The following SCN8A variants were observed in gnomAD, a reference collection of about 807,000 sequenced individuals.
The protein encoded by SCN8A is sodium voltage-gated channel alpha subunit 8, also known as sodium channel protein type 8 subunit alpha.
Under a neutral mutation model 184.1 loss-of-function variants are expected in SCN8A, and 30 were observed. The observed-to-expected ratio is 0.16, with a 90% confidence interval of 0.12 to 0.22. The LOEUF is 0.22. SCN8A is among the 10% of genes least tolerant of loss of function. The pLI is 1.00. For synonymous variants in SCN8A, 852 were observed against 907.0 expected, an observed-to-expected ratio of 0.94 and a Z score of 1.09; for missense variants, 1,057 against 2,498.9, an observed-to-expected ratio of 0.42 and a Z score of 12.30.
intron 20 of SCN8A, among the ~76,000 whole-genome samples, chr12:51,776,727 A>G (rs1275427319): frequency 2.0e-5 from 3 of 152,236 alleles, no homozygotes; most frequent in Admixed American, 1.3e-4. Context: ...TTTGGTGTCC[A>G]TTTGAGTAAA....
chr12:51,756,120 G>C (rs1942670079), intron 14 of SCN8A, among the ~76,000 whole-genome samples: 1 of 151,966 alleles, frequency 6.6e-6, no homozygotes, highest in South Asian at 2.1e-4. Flanking sequence ...CCCCACACCA[G>C]ACTCTCCCCT....
intron 14 of SCN8A, among the ~76,000 whole-genome samples, chr12:51,760,221 T>G (rs1485474510): frequency 6.6e-6 from 1 of 152,204 alleles, no homozygotes; most frequent in Non-Finnish European, 1.5e-5. Flanking sequence ...CATATCACAG[T>G]GCAAACAAGA....
chr12:51,807,325 T>G lies in SCN8A; in HGVS notation c.5839T>G (p.Tyr1947Asp). ...STPSTASLPSYDSVTKPEKEK... is the reference protein window; with the variant it reads ...STPSTASLPSDDSVTKPEKEK... ...CCCATCTACAGCCTCCCTCCCGTCCTATGACAGTGTAACTAAACCTGAAAA... is the reference window on the plus strand; with the variant it reads ...CCCATCTACAGCCTCCCTCCCGTCCGATGACAGTGTAACTAAACCTGAAAA... Residue 1947 changes from tyrosine to aspartate, a missense_variant, in exon 27 of 27, where the codon TAT becomes GAT. By Grantham distance (160) the Tyr-to-Asp change is radical. This residue lies in a region of SCN8A where 95 missense variants were observed against 140.2 expected (regional missense o/e 0.68). Coordinates refer to ENST00000627620, the MANE Select transcript of SCN8A (RefSeq NM_001330260.2). The surrounding 1 kb of genome is among the most constrained non-coding windows in gnomAD (Gnocchi z 4.5). The G allele has an allele frequency of 6.2e-7, 1 of 1,613,752 alleles. No homozygotes were observed. The highest frequency in any genetic ancestry group is 8.5e-7 in the Non-Finnish European group (1 of 1,179,806).
intron 26 of SCN8A, among the ~76,000 whole-genome samples, chr12:51,798,416 C>T (rs1160079894): frequency 2.6e-5 from 4 of 152,150 alleles, no homozygotes; most frequent in East Asian, 3.8e-4. Flanking sequence ...GAGGACAAAC[C>T]GCTGCCCTTT....
At chr12:51,648,416 T>C (rs17125937) in intron 1 of SCN8A, among the ~76,000 whole-genome samples, 9,037 of 152,270 alleles carry the variant, frequency 0.059, 349 homozygotes, top group Non-Finnish European at 0.093. Flanking sequence ...CTGTTTCTTT[T>C]ATTAAGCCAC....
chr12:51,760,842 G>GA (rs1473321565), intron 14 of SCN8A, among the ~76,000 whole-genome samples: 57 of 152,012 alleles, frequency 3.7e-4, no homozygotes, highest in African/African-American at 1.3e-3. Flanking sequence ...TATGAACACC[G>GA]AAAACCTATA....
chr12:51,592,928 G>C (rs183666028), intron 1 of SCN8A, among the ~76,000 whole-genome samples: 1 of 152,084 alleles, frequency 6.6e-6, no homozygotes, highest in East Asian at 1.9e-4. Flanking sequence ...ATGTGGAGGG[G>C]GGGATGTTGT....
rs1011021800 is a variant in SCN8A, at chr12:51,811,709, C to G, written c.*4280C>G. 1 of 152,346 alleles carries G rather than the reference C, an allele frequency of 6.6e-6. No homozygotes were observed. Among genetic ancestry groups the G allele is most frequent in the African/African-American group, 2.4e-5 (1 of 41,464 alleles). 9.4% of individuals were successfully genotyped at this position (152,346 alleles called of 1,614,324 possible). On this transcript the variant is annotated 3_prime_UTR_variant, in exon 27 of 27. Transcript: ENST00000627620. ...ATGTCTCCTGGTTCAGGAACACTCTCTCAGGAGGATCTCGAAGTGCCCACT... is the reference window on the plus strand; with the variant it reads ...ATGTCTCCTGGTTCAGGAACACTCTGTCAGGAGGATCTCGAAGTGCCCACT...
At chr12:51,645,926 G>A (rs1237435936) in intron 1 of SCN8A, among the ~76,000 whole-genome samples, 2 of 119,868 alleles carry the variant, frequency 1.7e-5, no homozygotes, top group African/African-American at 3.3e-5. Flanking sequence ...CCCCCTCTGC[G>A]AGAAACACCC....
intron 2 of SCN8A, among the ~76,000 whole-genome samples, chr12:51,664,364 C>A (rs1017915304): frequency 2.0e-5 from 3 of 152,012 alleles, no homozygotes; most frequent in Non-Finnish European, 2.9e-5. Context: ...CCCACCACCA[C>A]ACTCAGCTAA....
intron 5 of SCN8A, among the ~76,000 whole-genome samples, chr12:51,687,660 G>C (rs1941440972): frequency 2.0e-5 from 3 of 152,170 alleles, no homozygotes; most frequent in Admixed American, 2.0e-4. Flanking sequence ...GCAGACTTCA[G>C]AGCACATTTT....
At position 51,701,084 on chromosome 12, in the gene SCN8A, C is replaced by T. The variant is rs142898640; in HGVS notation, c.929-60C>T. 861 of 1,166,448 alleles carry T rather than the reference C, an allele frequency of 7.4e-4. 2 individuals carry two copies. In the African/African-American group the frequency reaches 0.011, roughly 15 times the overall value. The allele number at this position is 1,166,448 out of a possible 1,614,324, so 72.3% of individuals were successfully genotyped here. On this transcript the variant is annotated intron_variant, in intron 7 of 26. Transcript: ENST00000627620. ...TGGGGCTAGTTAGGAACAGTGTAAC[C>T]TTATTCTCTCATTCACTTAAATCTG...
In SCN8A at chr12:51,720,187, G is replaced by T. The variant is rs185008873; in HGVS notation, c.1636-1359G>T. Among the ~76,000 whole-genome samples the T allele has an allele frequency of 3.5e-3, 524 of 149,698 alleles. 2 individuals are homozygous for T. Among genetic ancestry groups the T allele is most frequent in the African/African-American group, 0.012 (495 of 40,710 alleles). On this transcript the variant is annotated intron_variant, in intron 11 of 26. Transcript: ENST00000627620. The stretch of plus-strand genomic sequence containing the variant: ...AATGCCGGATATTATATAACTTACA[G>T]CTGTTTGAGAATTATATACTTTACA...
intron 1 of SCN8A, among the ~76,000 whole-genome samples, chr12:51,652,198 C>A (rs551573876): frequency 6.6e-6 from 1 of 152,126 alleles, no homozygotes; most frequent in Admixed American, 6.5e-5. Context: ...ATTTCACTAC[C>A]TTTCATCCCT....
intron 12 of SCN8A, among the ~76,000 whole-genome samples, chr12:51,732,249 T>C (rs887572508): frequency 2.0e-5 from 3 of 152,228 alleles, no homozygotes; most frequent in Non-Finnish European, 2.9e-5. Context: ...TTTTTGTACA[T>C]GGTGAAAGAC....
chr12:51,717,130 C>T (rs568068611), intron 11 of SCN8A, among the ~76,000 whole-genome samples: 89 of 152,308 alleles, frequency 5.8e-4, no homozygotes, highest in South Asian at 3.3e-3. Context: ...CCCGTATGGC[C>T]CTCCATGGCA....
chr12:51,599,967 A>G (rs1466217308), intron 1 of SCN8A, among the ~76,000 whole-genome samples: 1 of 152,194 alleles, frequency 6.6e-6, no homozygotes, highest in Non-Finnish European at 1.5e-5. Context: ...AGAGTCTCCT[A>G]TTTTGAAAAT....
chr12:51,679,309 C>T (rs1188403288), intron 2 of SCN8A, among the ~76,000 whole-genome samples: 1 of 152,180 alleles, frequency 6.6e-6, no homozygotes, highest in Non-Finnish European at 1.5e-5. Context: ...TCAGTCTGGA[C>T]TTAGTCAGGA....
At chr12:51,624,711 G>A (rs1186527662) in intron 1 of SCN8A, among the ~76,000 whole-genome samples, 2 of 152,152 alleles carry the variant, frequency 1.3e-5, no homozygotes, top group African/African-American at 2.4e-5. Flanking sequence ...GAATGGTATT[G>A]CCTAGGTTTT....
Sources: gnomAD v4.1 joint callset for allele counts (sites outside exome capture counted in the v4.1 genomes callset) on GRCh38, gnomAD v4.1.1 for gene constraint, gnomAD v4.1.1 regional missense constraint, Gnocchi (gnomAD v3.1) non-coding constraint, MANE v1.5 for transcripts, NCBI Gene and HGNC (gene_info 2026-07-23, HGNC 2026-07-21) for gene names.